The following CDKAL1 variants were observed in gnomAD, a reference collection of about 807,000 sequenced individuals.
CDKAL1 encodes CDKAL1 threonylcarbamoyladenosine tRNA methylthiotransferase, also known as threonylcarbamoyladenosine tRNA methylthiotransferase.
In CDKAL1, 32 loss-of-function variants were observed where a neutral mutation model predicts 68.2. That is an observed-to-expected ratio of 0.47 (90% CI 0.35 to 0.63). The LOEUF (loss-of-function observed/expected upper bound fraction) is 0.63, where lower values mean the gene tolerates loss of function less well. Ranked by LOEUF, CDKAL1 falls within the 30% of genes least tolerant of loss-of-function variation. CDKAL1 has a pLI of 0.00. For synonymous variants in CDKAL1, 234 were observed against 244.3 expected, an observed-to-expected ratio of 0.96 and a Z score of 0.39; for missense variants, 606 against 696.7, an observed-to-expected ratio of 0.87 and a Z score of 1.47.
rs1203808303 is a variant in CDKAL1 at position 20,970,942 on chromosome 6, A to C, written c.909+15357A>C. On this transcript the variant is annotated intron_variant, in intron 10 of 15. Coordinates refer to ENST00000274695, the MANE Select transcript of CDKAL1 (RefSeq NM_017774.3). ...CAGCTCACTGCAACCTCTGCCTCCCAGATTCAAATGTTTCTCCTGCCTCAG... is the reference window on the plus strand; with the variant it reads ...CAGCTCACTGCAACCTCTGCCTCCCCGATTCAAATGTTTCTCCTGCCTCAG... 5.9e-5 allele frequency among the ~76,000 whole-genome samples: 9 copies of C among 152,062 alleles called. No individual in the cohort carries two copies. In the East Asian group the frequency reaches 1.7e-3, roughly 29 times the overall value.
intron 9 of CDKAL1, among the ~76,000 whole-genome samples, chr6:20,928,395 C>T (rs572018435): frequency 6.2e-4 from 95 of 152,284 alleles, no homozygotes; most frequent in Admixed American, 1.1e-3. Context: ...TTAAACATAG[C>T]CCAGGAGTTT....
intron 8 of CDKAL1, among the ~76,000 whole-genome samples, chr6:20,815,591 TC>T (rs1777009685): frequency 6.6e-6 from 1 of 152,128 alleles, no homozygotes; most frequent in Non-Finnish European, 1.5e-5. Context: ...ATGCTTTGCT[TC>T]CTGATTAGTT....
chr6:20,762,823 C>G (rs1774529451), intron 7 of CDKAL1, among the ~76,000 whole-genome samples: 1 of 152,126 alleles, frequency 6.6e-6, no homozygotes, highest in Non-Finnish European at 1.5e-5. Flanking sequence ...GCATATCCTG[C>G]TATCATTAAC....
At chr6:21,005,905 G>A (rs185597113) in intron 11 of CDKAL1, among the ~76,000 whole-genome samples, 5 of 152,238 alleles carry the variant, frequency 3.3e-5, no homozygotes, top group Middle Eastern at 3.4e-3. Context: ...CAAACTAGAG[G>A]GGAAGTAGCA....
intron 11 of CDKAL1, among the ~76,000 whole-genome samples, chr6:21,016,608 C>CCATT (rs1227963759): frequency 7.0e-6 from 1 of 143,880 alleles, no homozygotes; most frequent in East Asian, 2.0e-4. Context: ...CCCACGCCTT[C>CCATT]CATTCATCCA....
chr6:20,781,355 C>A, intron 8 of CDKAL1, 90 bp downstream of exon 8: 1 of 1,160,374 alleles, frequency 8.6e-7, no homozygotes, highest in Non-Finnish European at 1.2e-6. Context: ...AGAAAAGTAG[C>A]TGAACATTTT....
At chr6:20,706,492 A>G (rs1771601473) in intron 5 of CDKAL1, among the ~76,000 whole-genome samples, 1 of 152,166 alleles carries the variant, frequency 6.6e-6, no homozygotes, top group South Asian at 2.1e-4. Flanking sequence ...ATGGCACTGG[A>G]CACACCTTTC....
At chr6:21,013,416 A>G (rs145044130) in intron 11 of CDKAL1, among the ~76,000 whole-genome samples, 9 of 152,216 alleles carry the variant, frequency 5.9e-5, no homozygotes, top group Middle Eastern at 3.4e-3. Context: ...AAATGTATAT[A>G]TTTATGGGTG....
chr6:21,020,486 A>C (rs1246514240), intron 11 of CDKAL1, among the ~76,000 whole-genome samples: 1 of 151,958 alleles, frequency 6.6e-6, no homozygotes, highest in Non-Finnish European at 1.5e-5. Flanking sequence ...ATTTATTTTG[A>C]GATAGAGTTT....
At chr6:20,831,699 C>T (rs181976370) in intron 8 of CDKAL1, among the ~76,000 whole-genome samples, 5 of 152,260 alleles carry the variant, frequency 3.3e-5, no homozygotes, top group African/African-American at 4.8e-5. Flanking sequence ...CACTTTTTAT[C>T]GCACATCACA....
intron 5 of CDKAL1, among the ~76,000 whole-genome samples, chr6:20,656,157 G>T (rs76935729): frequency 1.2e-4 from 19 of 152,052 alleles, no homozygotes; most frequent in Non-Finnish European, 2.6e-4. Context: ...TCTGACTAGA[G>T]TCTGTGCATT....
intron 4 of CDKAL1, among the ~76,000 whole-genome samples, chr6:20,551,999 G>A (rs1435093935): frequency 6.7e-6 from 1 of 149,746 alleles, no homozygotes; most frequent in East Asian, 2.0e-4. Context: ...AAGTAGCTGG[G>A]ACTACAGTTG....
chr6:20,727,754 C>A (rs911322752), intron 5 of CDKAL1, among the ~76,000 whole-genome samples: 1 of 152,064 alleles, frequency 6.6e-6, no homozygotes, highest in African/African-American at 2.4e-5. Context: ...AGTTCTTATG[C>A]TATAGTGGCA....
chr6:21,129,068 A>G (rs983376217), intron 13 of CDKAL1, among the ~76,000 whole-genome samples: 6 of 152,212 alleles, frequency 3.9e-5, no homozygotes, highest in African/African-American at 1.4e-4. Flanking sequence ...TACCTCCCCA[A>G]TGGGGTTATT....
At chr6:21,108,641 A>G (rs934756380) in intron 13 of CDKAL1, among the ~76,000 whole-genome samples, 178 bp downstream of exon 13, 2 of 152,160 alleles carry the variant, frequency 1.3e-5, no homozygotes, top group Non-Finnish European at 2.9e-5. Context: ...TTTCTGAACT[A>G]TAATAATTAT....
chr6:20,713,013 A>G (rs1771921741), intron 5 of CDKAL1, among the ~76,000 whole-genome samples: 1 of 150,862 alleles, frequency 6.6e-6, no homozygotes, highest in Admixed American at 6.6e-5. Flanking sequence ...TCTAAGATTC[A>G]AAGGACTTGT....
chr6:20,952,947 A>G lies in CDKAL1; in HGVS notation c.743-2472A>G, dbSNP rs1764605242. Among the ~76,000 whole-genome samples, 3 of 152,226 alleles carry G rather than the reference A, an allele frequency of 2.0e-5. No individual in the cohort carries two copies. The South Asian group carries it at 6.2e-4, about 32-fold the overall frequency. ...TTCTTCATGCTTGAAATACACCCTT[A>G]CAAAAGCTGAACTTTCTCACGTTGA... On this transcript the variant is annotated intron_variant, in intron 9 of 15. Coordinates refer to ENST00000274695, the MANE Select transcript of CDKAL1 (RefSeq NM_017774.3).
At chr6:20,608,908 G>A (rs936117651) in intron 4 of CDKAL1, among the ~76,000 whole-genome samples, 11 of 152,102 alleles carry the variant, frequency 7.2e-5, no homozygotes, top group Non-Finnish European at 2.9e-5. Flanking sequence ...AATAAGAGTT[G>A]GTAAAGGTCT....
intron 14 of CDKAL1, 197 bp from the exon 15 acceptor site, chr6:21,200,913 A>G (rs1047030515): frequency 2.3e-6 from 1 of 444,136 alleles, no homozygotes; most frequent in Non-Finnish European, 4.0e-6. Flanking sequence ...GGTTAATAAT[A>G]TTAATATATC....
Sources: allele counts gnomAD v4.1 joint callset (sites outside exome capture counted in the v4.1 genomes callset), GRCh38; gene constraint gnomAD v4.1.1; transcripts MANE v1.5; gene names NCBI Gene and HGNC (gene_info 2026-07-23, HGNC 2026-07-21).